Variants in CHD9 observed in about 807,000 individuals in gnomAD.
CHD9 encodes the protein ATP-dependent chromatin remodeler CHD9.
Under a neutral mutation model 316.1 loss-of-function variants are expected in CHD9, and 77 were observed. The observed-to-expected ratio is 0.24, with a 90% confidence interval of 0.20 to 0.29. The LOEUF is 0.29. CHD9 is among the 10% of genes least tolerant of loss of function. The pLI is 1.00. For missense variants in CHD9, 2,763 were observed against 3,438.1 expected (o/e 0.80, Z 4.91); for synonymous variants, 1,129 against 1,158.3 (o/e 0.97, Z 0.51).
chr16:53,309,442 C>G (rs141096652), intron 34 of CHD9, among the ~76,000 whole-genome samples: 3 of 152,162 alleles, frequency 2.0e-5, no homozygotes, highest in Non-Finnish European at 2.9e-5. Context: ...TAACCTAATC[C>G]TGTGTCTACA....
At chr16:53,312,766 G>A (rs575396427) in intron 34 of CHD9, among the ~76,000 whole-genome samples, 1 of 152,200 alleles carries the variant, frequency 6.6e-6, no homozygotes, top group South Asian at 2.1e-4. Flanking sequence ...TATGAATTAA[G>A]TACCTTTTTG....
chr16:53,096,740 G>T (rs2036410746), intron 1 of CHD9, among the ~76,000 whole-genome samples: 2 of 152,256 alleles, frequency 1.3e-5, no homozygotes, highest in South Asian at 4.1e-4. Flanking sequence ...ATAAAGAAAA[G>T]AAATTTCTTC....
intron 15 of CHD9, 103 bp from the exon 16 acceptor site, chr16:53,247,190 T>G (rs537088605): frequency 3.9e-6 from 3 of 772,646 alleles, no homozygotes; most frequent in Non-Finnish European, 6.3e-6. Context: ...TAGAAAATTA[T>G]GTTACAGAAG....
Position 53,315,027 on chromosome 16 carries a change from T to C in CHD9, c.7567T>C (p.Leu2523=). Residue 2523 remains leucine (L), a synonymous_variant, in exon 36 of 39, where the codon TTG becomes CTG. Transcript: ENST00000447540. ...GGAGCACCCGGGTTATGTGGAAGAT[T>C]TGGGAGCTTTTATTCCTGTAGGTGA... The part of the protein sequence containing the change: ...LKEHPGYVED[L]GAFIPRMQLH... 1 of 1,613,368 alleles carries C rather than the reference T, an allele frequency of 6.2e-7. No individual in the cohort carries two copies.
intron 2 of CHD9, among the ~76,000 whole-genome samples, chr16:53,203,478 G>T (rs562005973): frequency 2.0e-5 from 3 of 152,114 alleles, no homozygotes; most frequent in African/African-American, 7.2e-5. Context: ...ATTCTACATT[G>T]TCTCTCTAGG....
At chr16:53,223,024 A>G (rs905119689) in intron 4 of CHD9, among the ~76,000 whole-genome samples, 3 of 152,166 alleles carry the variant, frequency 2.0e-5, no homozygotes, top group Non-Finnish European at 4.4e-5. Context: ...AAAGTCCTTG[A>G]TGGCTTTTAG....
intron 1 of CHD9, among the ~76,000 whole-genome samples, chr16:53,134,039 A>G (rs117216872): frequency 0.021 from 3,247 of 152,192 alleles, 60 homozygotes; most frequent in Non-Finnish European, 0.036. Context: ...AATGTCATAG[A>G]AAAAAAAGCT....
chr16:53,147,983 C>T (rs760638654), intron 1 of CHD9, among the ~76,000 whole-genome samples: 2 of 152,058 alleles, frequency 1.3e-5, no homozygotes, highest in Non-Finnish European at 2.9e-5. Context: ...GTGGGTGGAT[C>T]ACCTGAGGTC....
chr16:53,241,868 C>T (rs2049129489), intron 12 of CHD9, among the ~76,000 whole-genome samples: 1 of 152,156 alleles, frequency 6.6e-6, no homozygotes, highest in Admixed American at 6.6e-5. Flanking sequence ...AAATTTATGT[C>T]AAATCAGGAC....
intron 2 of CHD9, among the ~76,000 whole-genome samples, chr16:53,206,471 C>T (rs947385997): frequency 1.4e-4 from 22 of 152,060 alleles, no homozygotes; most frequent in Non-Finnish European, 1.0e-4. Flanking sequence ...GATAGTTGAA[C>T]CAAACATGAT....
chr16:53,111,167 G>A (rs922055134), intron 1 of CHD9, among the ~76,000 whole-genome samples: 36 of 152,126 alleles, frequency 2.4e-4, no homozygotes, highest in Non-Finnish European at 5.1e-4. Flanking sequence ...AAATCCCTCA[G>A]CCACTCCAGC....
chr16:53,181,438 T>A (rs538366648), intron 2 of CHD9, among the ~76,000 whole-genome samples: 1 of 150,128 alleles, frequency 6.7e-6, no homozygotes, highest in Non-Finnish European at 1.5e-5. Flanking sequence ...TTAAGTAATT[T>A]AAGTAATTTG....
At chr16:53,082,046 C>T (rs2035062584) in intron 1 of CHD9, among the ~76,000 whole-genome samples, 2 of 152,200 alleles carry the variant, frequency 1.3e-5, no homozygotes, top group Admixed American at 6.5e-5. Context: ...TCTTTGTCTC[C>T]TGCGCACTGG....
At chr16:53,070,444 AC>A (rs2033910428) in intron 1 of CHD9, among the ~76,000 whole-genome samples, 1 of 150,930 alleles carries the variant, frequency 6.6e-6, no homozygotes, top group South Asian at 2.1e-4. Context: ...TAAGGATACA[AC>A]TTCATTTTTT....
Position 53,263,006 on chromosome 16 carries a change from G to C in CHD9, c.4229G>C (p.Gly1410Ala). ...TFAKASFVAS[G>A]NRTDISLDDP... The stretch of plus-strand genomic sequence containing the variant: ...TTTCAGGCGAGTTTTGTGGCATCTG[G>C]AAACCGGACAGATATTTCTTTAGAT... The change falls in exon 20 of 39, where the codon GGA becomes GCA. Residue 1410 changes from glycine (G) to alanine (A), a missense_variant. By Grantham distance (60) the Gly-to-Ala change is moderately conservative. Around this residue, in one of 15 missense-constraint regions of CHD9, gnomAD observed 199 missense variants for 251.7 expected, o/e 0.79. Transcript: ENST00000447540. The C allele has an allele frequency of 1.9e-6, 3 of 1,612,338 alleles. No individual in the cohort carries two copies. The highest frequency in any genetic ancestry group is 2.5e-6 in the Non-Finnish European group (3 of 1,178,994).
At chr16:53,216,334 T>C (rs1008757705) in intron 3 of CHD9, among the ~76,000 whole-genome samples, 3 of 152,130 alleles carry the variant, frequency 2.0e-5, no homozygotes, top group African/African-American at 7.2e-5. Flanking sequence ...CTGTTGTCAT[T>C]GTATACATAA....
intron 2 of CHD9, among the ~76,000 whole-genome samples, chr16:53,204,122 ACGTG>A (rs1175901312): frequency 7.6e-5 from 9 of 118,974 alleles, no homozygotes; most frequent in African/African-American, 3.3e-4. Context: ...TATCTAGATA[ACGTG>A]TGTGTGTGTG....
intron 1 of CHD9, among the ~76,000 whole-genome samples, chr16:53,146,223 T>TAAAA (rs776269746): frequency 2.0e-5 from 2 of 97,988 alleles, no homozygotes; most frequent in Non-Finnish European, 4.0e-5. Flanking sequence ...CCGTCTCTAC[T>TAAAA]AAAAAAAAAA....
intron 1 of CHD9, among the ~76,000 whole-genome samples, chr16:53,138,358 A>G (rs1473173005): frequency 6.6e-6 from 1 of 152,224 alleles, no homozygotes; most frequent in Non-Finnish European, 1.5e-5. Context: ...AGGATATAGT[A>G]GTGAAGATGT....
Sources: gnomAD v4.1 joint callset for allele counts (sites outside exome capture counted in the v4.1 genomes callset) on GRCh38, gnomAD v4.1.1 for gene constraint, gnomAD v4.1.1 regional missense constraint, MANE v1.5 for transcripts, NCBI Gene and HGNC (gene_info 2026-07-23, HGNC 2026-07-21) for gene names.